The following VWA8 variants were observed in gnomAD, a reference collection of about 807,000 sequenced individuals.
VWA8 encodes von Willebrand factor A domain-containing protein 8.
VWA8 carries 221 observed loss-of-function variants against 241.5 expected under a neutral mutation model. That is an observed-to-expected ratio of 0.91 (90% CI 0.82 to 1.02). VWA8 has a LOEUF of 1.02. VWA8 is among the 50% of genes least tolerant of loss of function. The pLI, the probability that VWA8 is intolerant of heterozygous loss-of-function variation, is 0.00. For synonymous variants in VWA8, 852 were observed against 827.1 expected (o/e 1.03, Z -0.52); for missense variants, 2,322 against 2,328.7 (o/e 1.00, Z 0.06).
At chr13:41,754,895 T>A (rs553755629) in intron 21 of VWA8, among the ~76,000 whole-genome samples, 4 of 152,120 alleles carry the variant, frequency 2.6e-5, no homozygotes, top group Non-Finnish European at 5.9e-5. Flanking sequence ...CTTAACATAA[T>A]GACCTCCAGT....
chr13:41,899,015 G>A (rs1189022990), intron 4 of VWA8, among the ~76,000 whole-genome samples: 9 of 152,230 alleles, frequency 5.9e-5, no homozygotes, highest in African/African-American at 2.2e-4. Context: ...GGCCAGCCCA[G>A]AAAGGGGCTC....
intron 37 of VWA8, among the ~76,000 whole-genome samples, chr13:41,646,804 T>C (rs1309952136): frequency 6.6e-6 from 1 of 152,216 alleles, no homozygotes; most frequent in African/African-American, 2.4e-5. Context: ...TTCAGAAGGT[T>C]AGTAAAATAC....
intron 10 of VWA8, among the ~76,000 whole-genome samples, chr13:41,866,306 G>A (rs1034310095): frequency 5.3e-5 from 8 of 151,224 alleles, no homozygotes; most frequent in African/African-American, 9.7e-5. Flanking sequence ...CCAAGATTGC[G>A]CCACTGCACT....
intron 44 of VWA8, among the ~76,000 whole-genome samples, chr13:41,569,725 GCT>G (rs1315989942): frequency 6.6e-6 from 1 of 151,306 alleles, no homozygotes; most frequent in Non-Finnish European, 1.5e-5. Context: ...AAAACCATGA[GCT>G]CTTTCTGTTT....
Position 41,727,330 on chromosome 13 carries a change from G to A in VWA8, c.2639-17C>T. 1 of 1,415,974 alleles carries A rather than the reference G, an allele frequency of 7.1e-7. No individual in the cohort carries two copies. The highest frequency in any genetic ancestry group is 2.6e-5 in the Admixed American group (1 of 38,196). 87.7% of individuals were successfully genotyped at this position (1,415,974 alleles called of 1,614,324 possible). ...TAGCAGAATCTGAAAAACAAAATTT[G>A]TTTATTCTTTATCAATATTTAATAA... On this transcript the variant is annotated splice_polypyrimidine_tract_variant and intron_variant, in intron 23 of 44. Coordinates refer to ENST00000379310, the MANE Select transcript of VWA8 (RefSeq NM_015058.2).
intron 2 of VWA8, among the ~76,000 whole-genome samples, chr13:41,941,346 A>G (rs1212862736): frequency 6.6e-6 from 1 of 152,210 alleles, no homozygotes; most frequent in Non-Finnish European, 1.5e-5. Context: ...CTTAGAAGCT[A>G]AAAGAAGGAA....
chr13:41,652,903 G>A (rs768233463), intron 37 of VWA8, among the ~76,000 whole-genome samples: 108 of 152,170 alleles, frequency 7.1e-4, no homozygotes, highest in Non-Finnish European at 1.4e-3. Flanking sequence ...TTTGTCATTA[G>A]TTGTTGAAGT....
Position 41,816,724 on chromosome 13 carries a change from T to G in VWA8, c.1921A>C (p.Lys641Gln), listed in dbSNP as rs775846977. The part of the protein sequence containing the change: ...ALDKLLSFTH[K>Q]LRETQDPTAQ... ...GTTGGATCCTGTGTTTCTCTGAGTT[T>G]GTGTGTAAATGATAATAACTTATCC... Residue 641 changes from lysine (K) to glutamine (Q), a missense_variant, in exon 16 of 45, where the codon AAA becomes CAA. Coordinates refer to ENST00000379310, the MANE Select transcript of VWA8 (RefSeq NM_015058.2). 52 of 1,613,614 alleles carry G rather than the reference T, an allele frequency of 3.2e-5. No individual in the cohort carries two copies. Among genetic ancestry groups the G allele is most frequent in the Non-Finnish European group, 4.4e-5 (52 of 1,179,824 alleles).
chr13:41,589,821 G>C (rs2044442891), intron 41 of VWA8, among the ~76,000 whole-genome samples: 1 of 152,120 alleles, frequency 6.6e-6, no homozygotes, highest in African/African-American at 2.4e-5. Flanking sequence ...TGCTCTTCAA[G>C]TCCACTGAAT....
chr13:41,867,216 C>T (rs1198160762), intron 10 of VWA8, among the ~76,000 whole-genome samples: 1 of 152,176 alleles, frequency 6.6e-6, no homozygotes, highest in South Asian at 2.1e-4. Context: ...CACTCCTGAG[C>T]CACTTGAAAA....
At chr13:41,754,911 C>T (rs2045683231) in intron 21 of VWA8, among the ~76,000 whole-genome samples, 1 of 151,938 alleles carries the variant, frequency 6.6e-6, no homozygotes, top group Admixed American at 6.6e-5. Context: ...CCAGTTGCAC[C>T]CATGTTTTTG....
intron 37 of VWA8, among the ~76,000 whole-genome samples, chr13:41,661,342 A>AT (rs2044948977): frequency 6.6e-6 from 1 of 152,130 alleles, no homozygotes; most frequent in African/African-American, 2.4e-5. Context: ...GCATTTTCAG[A>AT]TTTTGGCAGG....
At chr13:41,709,771 C>CTT (rs67056755) in intron 26 of VWA8, among the ~76,000 whole-genome samples, 32 of 143,944 alleles carry the variant, frequency 2.2e-4, no homozygotes, top group Admixed American at 1.3e-3. Flanking sequence ...GTCTCTCTCT[C>CTT]TTTTTTTTTT....
rs775906635 is a variant in VWA8 at position 41,732,071 on chromosome 13, G to T, written c.2502+9C>A. 15 of 1,606,134 alleles carry T rather than the reference G, an allele frequency of 9.3e-6. No homozygotes were observed. In the South Asian group the frequency reaches 1.3e-4, roughly 14 times the overall value. ...CACTTGAAAATATTTCTATGATTAG[G>T]TTACTAACCAAAGGTGAGTCTTCAT... On this transcript the variant is annotated intron_variant, in intron 22 of 44. Transcript: ENST00000379310.
intron 21 of VWA8, among the ~76,000 whole-genome samples, chr13:41,747,291 T>C (rs2045615514): frequency 1.3e-5 from 2 of 152,236 alleles, no homozygotes; most frequent in South Asian, 4.1e-4. Flanking sequence ...TGGTTTGTCG[T>C]TCTCCTTGAA....
At chr13:41,692,785 G>C in intron 30 of VWA8, 77 bp downstream of exon 30, 1 of 1,116,912 alleles carries the variant, frequency 9.0e-7, no homozygotes, top group Non-Finnish European at 1.3e-6. Context: ...TTAAAGGGAT[G>C]GGCATGCATG....
intron 12 of VWA8, among the ~76,000 whole-genome samples, chr13:41,834,194 A>G (rs529818141): frequency 6.0e-4 from 91 of 152,344 alleles, no homozygotes; most frequent in African/African-American, 2.0e-3. Flanking sequence ...AGTGTAACAG[A>G]CTTAAGCAAA....
intron 21 of VWA8, among the ~76,000 whole-genome samples, chr13:41,746,367 T>A (rs547386942): frequency 1.3e-5 from 2 of 152,292 alleles, no homozygotes; most frequent in South Asian, 4.2e-4. Flanking sequence ...CATAGACTCT[T>A]GTCTCCAGTA....
chr13:41,589,128 C>T (rs200208413), intron 41 of VWA8, among the ~76,000 whole-genome samples: 8 of 152,264 alleles, frequency 5.3e-5, no homozygotes, highest in South Asian at 4.2e-4. Context: ...CTCTCAGTGG[C>T]GACTCAGCAA....
Sources: gnomAD v4.1 joint callset for allele counts (sites outside exome capture counted in the v4.1 genomes callset) on GRCh38, gnomAD v4.1.1 for gene constraint, MANE v1.5 for transcripts, NCBI Gene and HGNC (gene_info 2026-07-23, HGNC 2026-07-21) for gene names.